Variants in HCN1 observed in about 807,000 individuals in gnomAD.
The protein encoded by HCN1 is potassium/sodium hyperpolarization-activated cyclic nucleotide-gated channel 1.
A neutral mutation model predicts 78.9 loss-of-function variants in HCN1; 13 were observed. That is an observed-to-expected ratio of 0.16 (90% confidence interval 0.11 to 0.26). HCN1 has a LOEUF of 0.26. HCN1 is among the 10% of genes least tolerant of loss of function. The pLI is 1.00. For synonymous variants in HCN1, 552 were observed against 455.5 expected (o/e 1.21, Z -2.70); for missense variants, 810 against 1,154.3 (o/e 0.70, Z 4.32).
intron 5 of HCN1, 124 bp from the exon 6 acceptor site, chr5:45,303,963 T>A: frequency 1.1e-6 from 1 of 880,902 alleles, no homozygotes; most frequent in Non-Finnish European, 1.8e-6. Flanking sequence ...CAAAAATTCA[T>A]AAATTCTAGT....
intron 1 of HCN1, among the ~76,000 whole-genome samples, chr5:45,675,234 A>C (rs1746244482): frequency 6.6e-6 from 1 of 151,764 alleles, no homozygotes; most frequent in African/African-American, 2.4e-5. Flanking sequence ...ATGTGGCATG[A>C]GATCAACTTT....
rs140299914 is a variant in HCN1 at position 45,518,452 on chromosome 5, G to C, written c.850-56445C>G. Reference sequence around the variant, plus strand: ...GCAGGATCATGCTGGCTACTAGGAAGAATCTCCTGATGGCACAGGGATGAC... The same window carrying C: ...GCAGGATCATGCTGGCTACTAGGAACAATCTCCTGATGGCACAGGGATGAC... On this transcript the variant is annotated intron_variant, in intron 2 of 7. Transcript: ENST00000303230. 1.2e-3 allele frequency among the ~76,000 whole-genome samples: 189 copies of C among 152,134 alleles called. 1 individual carries two copies. Among genetic ancestry groups the C allele is most frequent in the African/African-American group, 4.3e-3 (178 of 41,532 alleles).
At chr5:45,432,949 T>G (rs767438838) in intron 3 of HCN1, among the ~76,000 whole-genome samples, 3 of 152,120 alleles carry the variant, frequency 2.0e-5, no homozygotes, top group Non-Finnish European at 2.9e-5. Flanking sequence ...ATGTCTTACA[T>G]GGAGGCAGGC....
rs1358232614 is a variant in HCN1, at chr5:45,325,871, G to T, written c.1378-22032C>A. Reference sequence around the variant, plus strand: ...TATAATCTGTCTTATTTTTTAAAGAGATCTTATGGTGCAACTCCTGAATAA... The same window carrying T: ...TATAATCTGTCTTATTTTTTAAAGATATCTTATGGTGCAACTCCTGAATAA... On this transcript the variant is annotated intron_variant, in intron 5 of 7. Transcript: ENST00000303230. Among the ~76,000 whole-genome samples the T allele has an allele frequency of 2.4e-4, 37 of 151,542 alleles. 1 individual carries two copies. The Admixed American group carries it at 2.4e-3, about 10-fold the overall frequency.
chr5:45,255,776 G>T lies in HCN1; in HGVS notation c.*6145C>A, dbSNP rs1238423064. 1 of 151,966 alleles carries T rather than the reference G, an allele frequency of 6.6e-6. No homozygotes were observed. The highest frequency in any genetic ancestry group is 1.5e-5 in the Non-Finnish European group (1 of 68,004). 9.4% of individuals were successfully genotyped at this position (151,966 alleles called of 1,614,324 possible). A position where few individuals can be genotyped will look rare whatever the true frequency, so the allele number is the denominator to read the frequency against. ...TCAAAAGTAAATCTTTCCTTTCTCAGGAGTTTTCCTCACAAATTTAACAGG... is the reference window on the plus strand; with the variant it reads ...TCAAAAGTAAATCTTTCCTTTCTCATGAGTTTTCCTCACAAATTTAACAGG... On this transcript the variant is annotated 3_prime_UTR_variant, in exon 8 of 8. Coordinates refer to ENST00000303230, the MANE Select transcript of HCN1 (RefSeq NM_021072.4).
intron 6 of HCN1, among the ~76,000 whole-genome samples, chr5:45,268,006 G>T (rs1744894901): frequency 6.6e-6 from 1 of 152,168 alleles, no homozygotes; most frequent in Non-Finnish European, 1.5e-5. Context: ...AAAGCAGATG[G>T]TATAATCTAG....
intron 5 of HCN1, among the ~76,000 whole-genome samples, chr5:45,327,629 A>C (rs941341068): frequency 6.6e-6 from 1 of 151,602 alleles, no homozygotes; most frequent in African/African-American, 2.4e-5. Context: ...CTCCCAAAAA[A>C]ATTTATATGT....
chr5:45,371,798 C>A (rs1333077050), intron 4 of HCN1, among the ~76,000 whole-genome samples: 1 of 138,334 alleles, frequency 7.2e-6, no homozygotes, highest in Non-Finnish European at 1.5e-5. Flanking sequence ...CACACATACA[C>A]ACACAAGGTG....
At chr5:45,496,446 G>A (rs560676513) in intron 2 of HCN1, among the ~76,000 whole-genome samples, 2 of 149,814 alleles carry the variant, frequency 1.3e-5, no homozygotes, top group South Asian at 4.2e-4. Flanking sequence ...AGGAATGGTA[G>A]CAGTTCCTCC....
chr5:45,369,027 T>C (rs1310492074), intron 4 of HCN1, among the ~76,000 whole-genome samples: 1 of 151,974 alleles, frequency 6.6e-6, no homozygotes, highest in Non-Finnish European at 1.5e-5. Context: ...CTGATCTGTT[T>C]TGTTGTCACT....
intron 1 of HCN1, among the ~76,000 whole-genome samples, chr5:45,678,512 TCTC>T (rs1739637878): frequency 6.6e-6 from 1 of 151,936 alleles, no homozygotes; most frequent in Non-Finnish European, 1.5e-5. Context: ...TAACTGCGTC[TCTC>T]CTCAATATTT....
rs187032519 is a variant in HCN1 at position 45,339,738 on chromosome 5, C to T, written c.1377+13362G>A. The stretch of plus-strand genomic sequence containing the variant: ...GGTAATGTTGAGAACCTGAATATGG[C>T]ATTTAAATATATAAAGAAAAAATAT... On this transcript the variant is annotated intron_variant, in intron 5 of 7. Transcript: ENST00000303230. 6.6e-5 allele frequency among the ~76,000 whole-genome samples: 10 copies of T among 152,032 alleles called. No individual in the cohort carries two copies. In the East Asian group the frequency reaches 1.9e-3, roughly 29 times the overall value.
chr5:45,657,025 C>A (rs1745774886), intron 1 of HCN1, among the ~76,000 whole-genome samples: 2 of 151,924 alleles, frequency 1.3e-5, no homozygotes, highest in Non-Finnish European at 2.9e-5. Context: ...TCTGATGGAG[C>A]AGAATGGGTG....
At chr5:45,318,588 AAAAAG>A (rs1468534869) in intron 5 of HCN1, among the ~76,000 whole-genome samples, 20 of 151,654 alleles carry the variant, frequency 1.3e-4, no homozygotes, top group African/African-American at 4.3e-4. Context: ...TTAATAAAAT[AAAAAG>A]AAAAGTATAA....
intron 6 of HCN1, among the ~76,000 whole-genome samples, chr5:45,284,071 T>C (rs1284830035): frequency 6.6e-6 from 1 of 152,082 alleles, no homozygotes; most frequent in African/African-American, 2.4e-5. Context: ...TGTTATCACT[T>C]ATAAATGGAA....
chr5:45,517,176 A>G (rs1742530113), intron 2 of HCN1, among the ~76,000 whole-genome samples: 2 of 151,998 alleles, frequency 1.3e-5, no homozygotes, highest in African/African-American at 4.8e-5. Context: ...GGATATTGAT[A>G]GTTATTAAGA....
At chr5:45,501,546 T>C (rs566502922) in intron 2 of HCN1, among the ~76,000 whole-genome samples, 1 of 152,202 alleles carries the variant, frequency 6.6e-6, no homozygotes, top group African/African-American at 2.4e-5. Flanking sequence ...GCTATTCTCC[T>C]ACCTCAGCCC....
At chr5:45,493,652 A>T (rs1033403499) in intron 2 of HCN1, among the ~76,000 whole-genome samples, 2 of 151,568 alleles carry the variant, frequency 1.3e-5, no homozygotes, top group African/African-American at 4.9e-5. Context: ...CACAATGTGC[A>T]GGTTAGTTAC....
intron 3 of HCN1, among the ~76,000 whole-genome samples, chr5:45,413,944 T>C (rs529877881): frequency 4.1e-4 from 62 of 152,018 alleles, no homozygotes; most frequent in Admixed American, 1.6e-3. Context: ...TTAAAGGCAA[T>C]CTTAAAGCAG....
Sources: allele counts gnomAD v4.1 joint callset (sites outside exome capture counted in the v4.1 genomes callset), GRCh38; gene constraint gnomAD v4.1.1; transcripts MANE v1.5; gene names NCBI Gene and HGNC (gene_info 2026-07-23, HGNC 2026-07-21).